Variants in UBE2L3 observed in about 807,000 individuals in gnomAD.
UBE2L3 encodes the protein ubiquitin-conjugating enzyme E2 L3.
UBE2L3 carries 1 observed loss-of-function variant against 17.8 expected under a neutral mutation model. That is an observed-to-expected ratio of 0.06 (90% CI 0.02 to 0.27). UBE2L3 has a LOEUF of 0.27. Ranked by LOEUF, UBE2L3 falls within the 10% of genes least tolerant of loss-of-function variation. UBE2L3 has a pLI of 1.00. For missense variants in UBE2L3, 40 were observed against 192.6 expected (o/e 0.21, Z 4.69); for synonymous variants, 44 against 68.5 (o/e 0.64, Z 1.76).
Position 21,621,875 on chromosome 22 carries a change from T to A in UBE2L3, c.*206T>A, listed in dbSNP as rs1007067190. The A allele has an allele frequency of 7.0e-5, 35 of 500,286 alleles. No homozygotes were observed. Among genetic ancestry groups the A allele is most frequent in the African/African-American group, 6.8e-4 (34 of 49,850 alleles). 31.0% of individuals were successfully genotyped at this position (500,286 alleles called of 1,614,324 possible). A position where few individuals can be genotyped will look rare whatever the true frequency, so the allele number is the denominator to read the frequency against. On this transcript the variant is annotated 3_prime_UTR_variant, in exon 4 of 4. Transcript: ENST00000342192. ...GGATTAAAAATTTAAGATGTTCTAG[T>A]TCTGCTCTCTTTGTTTTAAAAATCA...
intron 2 of UBE2L3, among the ~76,000 whole-genome samples, chr22:21,602,411 T>G (rs1928915007): frequency 1.3e-5 from 2 of 152,190 alleles, no homozygotes; most frequent in South Asian, 2.1e-4. Context: ...CTTGACTTCC[T>G]CTGTGGCTGC....
At chr22:21,574,878 T>C (rs2148403949) in intron 1 of UBE2L3, among the ~76,000 whole-genome samples, 1 of 152,104 alleles carries the variant, frequency 6.6e-6, no homozygotes, top group Non-Finnish European at 1.5e-5. Context: ...GGCAGAAGAA[T>C]TGCTTGAACC....
intron 1 of UBE2L3, among the ~76,000 whole-genome samples, chr22:21,592,154 A>G (rs910283127): frequency 1.3e-5 from 2 of 152,104 alleles, no homozygotes; most frequent in Non-Finnish European, 2.9e-5. Context: ...ATAACCCCAC[A>G]TATTTGCAAG....
upstream of UBE2L3, chr22:21,567,610 G>A (rs1221678404): frequency 1.3e-6 from 2 of 1,520,750 alleles, no homozygotes; most frequent in Non-Finnish European, 1.8e-6. Context: ...AGCACAGTGG[G>A]AAGCACACAG....
chr22:21,587,785 T>C (rs2148417450), intron 1 of UBE2L3, among the ~76,000 whole-genome samples: 1 of 152,276 alleles, frequency 6.6e-6, no homozygotes, highest in East Asian at 1.9e-4. Context: ...TAACCATCCC[T>C]CTCTGCCATG....
intron 2 of UBE2L3, among the ~76,000 whole-genome samples, chr22:21,595,135 C>G (rs1164569173): frequency 6.6e-6 from 1 of 152,216 alleles, no homozygotes; most frequent in Non-Finnish European, 1.5e-5. Context: ...TGTGCTTGGG[C>G]TGAGGCTCTG....
intron 2 of UBE2L3, among the ~76,000 whole-genome samples, chr22:21,605,453 G>C (rs925313221): frequency 6.6e-6 from 1 of 152,006 alleles, no homozygotes; most frequent in Non-Finnish European, 1.5e-5. Flanking sequence ...TCCTGATCTC[G>C]TGATCCACCT....
At chr22:21,573,294 T>A (rs1276565661) in intron 1 of UBE2L3, among the ~76,000 whole-genome samples, 3 of 152,088 alleles carry the variant, frequency 2.0e-5, no homozygotes, top group African/African-American at 7.2e-5. Flanking sequence ...AGGTCTTGTC[T>A]CACCAGCCTT....
At chr22:21,611,750 T>C (rs1929493907) in intron 3 of UBE2L3, among the ~76,000 whole-genome samples, 1 of 152,350 alleles carries the variant, frequency 6.6e-6, no homozygotes, top group East Asian at 1.9e-4. Flanking sequence ...ATGGACTGTG[T>C]CTGGTTTTCA....
At chr22:21,578,232 C>T (rs944950436) in intron 1 of UBE2L3, among the ~76,000 whole-genome samples, 3 of 151,592 alleles carry the variant, frequency 2.0e-5, no homozygotes, top group African/African-American at 4.9e-5. Flanking sequence ...TGGTGGTGGG[C>T]GCCTGTAGTC....
chr22:21,616,815 A>G (rs1024323489), intron 3 of UBE2L3, among the ~76,000 whole-genome samples: 6 of 152,046 alleles, frequency 3.9e-5, no homozygotes, highest in Non-Finnish European at 8.8e-5. Context: ...TTGAAGGTAC[A>G]TTGACATTTT....
intron 2 of UBE2L3, among the ~76,000 whole-genome samples, chr22:21,599,087 T>C (rs373452624): frequency 1.2e-3 from 186 of 152,290 alleles, no homozygotes; most frequent in Middle Eastern, 6.8e-3. Flanking sequence ...TTCACCTTTT[T>C]GCAGTTACAT....
chr22:21,614,438 AAAG>A (rs1299541138), intron 3 of UBE2L3: 59 of 545,974 alleles, frequency 1.1e-4, no homozygotes, highest in East Asian at 3.4e-4. Flanking sequence ...AAAAAAAAAA[AAAG>A]AAAGAAAGAA....
intron 1 of UBE2L3, among the ~76,000 whole-genome samples, chr22:21,561,336 G>A (rs1926423260): frequency 6.6e-6 from 1 of 152,302 alleles, no homozygotes; most frequent in Non-Finnish European, 1.5e-5. Flanking sequence ...AGTACTTTGG[G>A]AGGCTGAGGT....
intron 2 of UBE2L3, among the ~76,000 whole-genome samples, chr22:21,600,470 C>A (rs957430692): frequency 2.0e-5 from 3 of 151,828 alleles, no homozygotes; most frequent in East Asian, 3.9e-4. Flanking sequence ...CCAGGGGAGG[C>A]GGATCACTTG....
chr22:21,565,013 T>C (rs958033127), upstream of UBE2L3, among the ~76,000 whole-genome samples: 1 of 152,064 alleles, frequency 6.6e-6, no homozygotes, highest in Non-Finnish European at 1.5e-5. Flanking sequence ...GCTTGTCATC[T>C]AGTTTCTCCC....
intron 3 of UBE2L3, among the ~76,000 whole-genome samples, chr22:21,615,815 G>A (rs1392972519): frequency 6.6e-6 from 1 of 152,210 alleles, no homozygotes; most frequent in East Asian, 1.9e-4. Flanking sequence ...TGGTTGAACA[G>A]TGCGATGCCC....
At chr22:21,603,254 G>A (rs557639748) in intron 2 of UBE2L3, among the ~76,000 whole-genome samples, 9 of 152,284 alleles carry the variant, frequency 5.9e-5, no homozygotes, top group African/African-American at 1.9e-4. Context: ...TGGGCCGGGT[G>A]CGGTGGCTCA....
intron 1 of UBE2L3, among the ~76,000 whole-genome samples, chr22:21,561,210 G>T (rs1926419320): frequency 3.3e-5 from 5 of 152,294 alleles, no homozygotes. Context: ...CTCTGTAAAT[G>T]GGGTTGATAG....
Sources: gnomAD v4.1 joint callset for allele counts (sites outside exome capture counted in the v4.1 genomes callset) on GRCh38, gnomAD v4.1.1 for gene constraint, MANE v1.5 for transcripts, NCBI Gene and HGNC (gene_info 2026-07-23, HGNC 2026-07-21) for gene names.